Variants in CAMK4 observed in about 807,000 individuals in gnomAD.
The protein encoded by CAMK4 is calcium/calmodulin-dependent protein kinase type IV.
CAMK4 carries 22 observed loss-of-function variants against 44.9 expected under a neutral mutation model. That is an observed-to-expected ratio of 0.49 (90% CI 0.35 to 0.70). The LOEUF (loss-of-function observed/expected upper bound fraction) is 0.70. Ranked by LOEUF, CAMK4 falls within the 30% of genes least tolerant of loss-of-function variation. CAMK4 has a pLI of 0.01. For synonymous variants in CAMK4, 218 were observed against 215.4 expected (o/e 1.01, Z -0.11); for missense variants, 498 against 586.8 (o/e 0.85, Z 1.56).
At chr5:111,246,337 A>G (rs1054460872) in intron 1 of CAMK4, among the ~76,000 whole-genome samples, 3 of 152,116 alleles carry the variant, frequency 2.0e-5, no homozygotes, top group African/African-American at 7.2e-5. Flanking sequence ...TACTGCTTCT[A>G]TGTTCCCTTT....
intron 4 of CAMK4, among the ~76,000 whole-genome samples, chr5:111,384,437 A>G (rs1366013388): frequency 6.6e-6 from 1 of 152,158 alleles, no homozygotes; most frequent in Non-Finnish European, 1.5e-5. Flanking sequence ...TGTTAGATGA[A>G]TTTGACACTC....
intron 1 of CAMK4, among the ~76,000 whole-genome samples, chr5:111,298,189 A>G (rs2112639899): frequency 6.6e-6 from 1 of 152,360 alleles, no homozygotes; most frequent in East Asian, 1.9e-4. Flanking sequence ...GCCACTTAAA[A>G]ATTATGTATA....
chr5:111,224,831 C>A lies in CAMK4; in HGVS notation c.161+187C>A, dbSNP rs987416410. ...TCGAGTCCTTCCCACCCCACCAGAG[C>A]GCCTAGGCCGGTGCAGCTGTAGGAT... On this transcript the variant is annotated intron_variant, in intron 1 of 10. Coordinates refer to ENST00000282356, the MANE Select transcript of CAMK4 (RefSeq NM_001744.6). The surrounding 1 kb of genome is among the most constrained non-coding windows in gnomAD (Gnocchi z 5.7). 6.6e-6 allele frequency among the ~76,000 whole-genome samples: 1 copy of A among 152,108 alleles called. No homozygotes were observed. Among genetic ancestry groups the A allele is most frequent in the East Asian group, 1.9e-4 (1 of 5,172 alleles).
At chr5:111,385,086 A>G (rs943663704) in intron 4 of CAMK4, among the ~76,000 whole-genome samples, 1 of 152,198 alleles carries the variant, frequency 6.6e-6, no homozygotes, top group Non-Finnish European at 1.5e-5. Context: ...AAAGCATATT[A>G]GGGATTATAA....
rs1057158967 is a variant in CAMK4, at chr5:111,400,091, G to A, written c.459+5309G>A. ...AGTCTGCAAAGATAAATTAATTAAC[G>A]TATAGCTAATCCTACATTTAAAAAG... is the stretch of plus-strand genomic sequence containing the variant. On this transcript the variant is annotated intron_variant, in intron 5 of 10. Coordinates refer to ENST00000282356, the MANE Select transcript of CAMK4 (RefSeq NM_001744.6). Among the ~76,000 whole-genome samples the A allele has an allele frequency of 6.6e-5, 10 of 151,664 alleles. No individual in the cohort carries two copies. The East Asian group carries it at 7.7e-4, about 12-fold the overall frequency.
At chr5:111,274,503 T>C (rs1750673465) in intron 1 of CAMK4, among the ~76,000 whole-genome samples, 2 of 152,210 alleles carry the variant, frequency 1.3e-5, no homozygotes, top group South Asian at 4.1e-4. Context: ...TTCTTTCTGA[T>C]GGACATTTGT....
intron 4 of CAMK4, among the ~76,000 whole-genome samples, chr5:111,384,255 A>G (rs1257420101): frequency 6.6e-6 from 1 of 152,146 alleles, no homozygotes; most frequent in Non-Finnish European, 1.5e-5. Flanking sequence ...TGGTCTCTGT[A>G]GCATTATATA....
At chr5:111,416,615 T>C (rs942210183) in intron 5 of CAMK4, 18 of 152,178 alleles carry the variant, frequency 1.2e-4, no homozygotes, top group African/African-American at 3.9e-4. Flanking sequence ...GCGAGAACCT[T>C]GGGACCTCTC....
chr5:111,446,026 G>C (rs141297953), intron 5 of CAMK4, among the ~76,000 whole-genome samples: 1 of 152,186 alleles, frequency 6.6e-6, no homozygotes, highest in Non-Finnish European at 1.5e-5. Flanking sequence ...GCTTATACGT[G>C]ATTTTACAAA....
At chr5:111,287,069 A>G (rs2112616702) in intron 1 of CAMK4, among the ~76,000 whole-genome samples, 1 of 152,330 alleles carries the variant, frequency 6.6e-6, no homozygotes, top group African/African-American at 2.4e-5. Context: ...GATTGGTGGA[A>G]ATACTAGTAT....
At chr5:111,318,247 G>A (rs1375280739) in intron 1 of CAMK4, among the ~76,000 whole-genome samples, 1 of 152,154 alleles carries the variant, frequency 6.6e-6, no homozygotes, top group African/African-American at 2.4e-5. Flanking sequence ...TGGATTTAAA[G>A]TTGGCAAAGT....
chr5:111,364,223 G>A (rs963710668), intron 2 of CAMK4, among the ~76,000 whole-genome samples: 4 of 151,936 alleles, frequency 2.6e-5, no homozygotes, highest in African/African-American at 9.7e-5. Context: ...GATCATGCTC[G>A]TGTGTTCTAG....
At chr5:111,466,002 T>A (rs978498234) in intron 7 of CAMK4, among the ~76,000 whole-genome samples, 2 of 152,194 alleles carry the variant, frequency 1.3e-5, no homozygotes, top group Non-Finnish European at 1.5e-5. Flanking sequence ...TAATCCACCA[T>A]GATCAAGTGG....
chr5:111,408,508 T>C (rs1752517375), intron 5 of CAMK4, among the ~76,000 whole-genome samples: 1 of 152,184 alleles, frequency 6.6e-6, no homozygotes, highest in African/African-American at 2.4e-5. Context: ...ACATGGGGAT[T>C]GTTTCAATTC....
intron 4 of CAMK4, among the ~76,000 whole-genome samples, chr5:111,392,330 A>G (rs886675283): frequency 2.0e-5 from 3 of 152,096 alleles, no homozygotes; most frequent in Non-Finnish European, 4.4e-5. Context: ...AGTGCCACAC[A>G]CTTCAACTAT....
chr5:111,445,626 T>C (rs1753998705), intron 5 of CAMK4, among the ~76,000 whole-genome samples: 1 of 152,096 alleles, frequency 6.6e-6, no homozygotes, highest in Non-Finnish European at 1.5e-5. Context: ...TGGGCTCTTG[T>C]TATGTTGCCC....
intron 5 of CAMK4, among the ~76,000 whole-genome samples, chr5:111,424,335 T>C (rs1370870401): frequency 6.6e-6 from 1 of 152,022 alleles, no homozygotes; most frequent in African/African-American, 2.4e-5. Flanking sequence ...TCTTGAAAAC[T>C]ACTTATTTGC....
chr5:111,262,256 G>A (rs759791601), intron 1 of CAMK4, among the ~76,000 whole-genome samples: 2 of 152,104 alleles, frequency 1.3e-5, no homozygotes, highest in African/African-American at 4.8e-5. Context: ...TAAACCAAAG[G>A]GGGAGGAGTT....
intron 5 of CAMK4, among the ~76,000 whole-genome samples, chr5:111,430,753 A>G (rs1753412945): frequency 6.6e-6 from 1 of 152,200 alleles, no homozygotes; most frequent in African/African-American, 2.4e-5. Context: ...CAAGGAAGTG[A>G]AAGATCTCTA....
Sources: gnomAD v4.1 joint callset for allele counts (sites outside exome capture counted in the v4.1 genomes callset) on GRCh38, gnomAD v4.1.1 for gene constraint, Gnocchi (gnomAD v3.1) non-coding constraint, MANE v1.5 for transcripts, NCBI Gene and HGNC (gene_info 2026-07-23, HGNC 2026-07-21) for gene names.